SLU7: variants seen among roughly 807,000 people sequenced by gnomAD.
SLU7 encodes spliceosome associated SLU7.
In SLU7, 60 loss-of-function variants were observed where a neutral mutation model predicts 87.0. The ratio of observed to expected loss-of-function variants is 0.69; its 90% CI spans 0.56 to 0.86. The LOEUF (loss-of-function observed/expected upper bound fraction) is 0.86. SLU7 is among the 40% of genes least tolerant of loss of function. The pLI, the probability that SLU7 is intolerant of heterozygous loss-of-function variation, is 0.00. For synonymous variants in SLU7, 197 were observed against 222.0 expected, an observed-to-expected ratio of 0.89 and a Z score of 1.00; for missense variants, 507 against 686.6, an observed-to-expected ratio of 0.74 and a Z score of 2.92.
chr5:160,408,751 T>A, intron 6 of SLU7, 54 bp from the exon 7 acceptor site: 1 of 686,958 alleles, frequency 1.5e-6, no homozygotes, highest in Non-Finnish European at 2.3e-6. Flanking sequence ...TTAATCCAAT[T>A]AACTTTATTA....
intron 14 of SLU7, 86 bp downstream of exon 14, chr5:160,404,723 T>G (rs2113099125): frequency 9.7e-7 from 1 of 1,031,632 alleles, no homozygotes; most frequent in African/African-American, 1.6e-5. Context: ...AGATTCTGTT[T>G]CAAAAGAAAA....
At chr5:160,417,388 T>A (rs564130732) in intron 1 of SLU7, 1 of 152,036 alleles carries the variant, frequency 6.6e-6, no homozygotes, top group African/African-American at 2.4e-5. Flanking sequence ...AAATTTGAAT[T>A]AGAAAAAAAA....
chr5:160,408,851 TAATA>T (rs963039484), intron 6 of SLU7, among the ~76,000 whole-genome samples, 154 bp from the exon 7 acceptor site: 90 of 85,950 alleles, frequency 1.0e-3, no homozygotes, highest in South Asian at 6.9e-3. Context: ...ATATTATATA[TAATA>T]AATATTTATT....
rs1357576989 is a variant in SLU7, at chr5:160,414,353, G to A, written c.290C>T (p.Ser97Leu). 3 of 1,611,488 alleles carry A rather than the reference G, an allele frequency of 1.9e-6. No individual in the cohort carries two copies. Among genetic ancestry groups the A allele is most frequent in the Non-Finnish European group, 2.5e-6 (3 of 1,178,806 alleles). ...ACCCCTCTTGTACCATTCTCCAGAT[G>A]AGCTGAACTGCTTTTGTTTTTCTGG... ...PQPEKQKQFS[S>L]SGEWYKRGVK... Residue 97 changes from serine to leucine, a missense_variant, in exon 3 of 16, where the codon TCA (serine) becomes TTA (leucine). Transcript: ENST00000297151.
intron 1 of SLU7, among the ~76,000 whole-genome samples, chr5:160,415,820 T>C (rs779839219): frequency 2.0e-5 from 3 of 152,202 alleles, no homozygotes; most frequent in Non-Finnish European, 4.4e-5. Flanking sequence ...CCAATGGACA[T>C]TTTTCAGCTC....
chr5:160,410,893 G>A (rs187281221), intron 6 of SLU7, among the ~76,000 whole-genome samples: 28 of 148,260 alleles, frequency 1.9e-4, no homozygotes, highest in African/African-American at 6.5e-4. Context: ...TTGAGACGGA[G>A]TCTCACTCTG....
Position 160,412,437 on chromosome 5 carries a change from T to C in SLU7, c.639+14A>G, listed in dbSNP as rs761393274. The C allele has an allele frequency of 1.4e-6, 2 of 1,440,120 alleles. No individual in the cohort carries two copies. The highest frequency in any genetic ancestry group is 1.9e-6 in the Non-Finnish European group (2 of 1,036,212). 89.2% of individuals were successfully genotyped at this position (1,440,120 alleles called of 1,614,324 possible). A position where few individuals can be genotyped will look rare whatever the true frequency, so the allele number is the denominator to read the frequency against. ...AGAAATAAAACCTTTTTATTGATCA[T>C]TTTCATTACTTACAGCCTGTTCCAC... On this transcript the variant is annotated intron_variant, in intron 6 of 15. Transcript: ENST00000297151.
intron 15 of SLU7, 76 bp downstream of exon 15, chr5:160,404,364 C>A (rs1764909432): frequency 7.4e-6 from 7 of 939,740 alleles, no homozygotes; most frequent in Admixed American, 2.1e-5. Flanking sequence ...GACCCTGTCT[C>A]AAAAAAATAA....
intron 1 of SLU7, chr5:160,418,729 C>T (rs1163868492): frequency 6.6e-6 from 1 of 152,238 alleles, no homozygotes; most frequent in East Asian, 1.9e-4. Flanking sequence ...CTGGAAGCAG[C>T]TTTCCCTGCT....
intron 15 of SLU7, among the ~76,000 whole-genome samples, chr5:160,404,200 T>TA (rs923988463): frequency 6.6e-6 from 1 of 152,066 alleles, no homozygotes; most frequent in African/African-American, 2.4e-5. Context: ...CCTGGCTCTA[T>TA]AAAAAAATAC....
At chr5:160,412,178 TA>T (rs777545688) in intron 6 of SLU7, among the ~76,000 whole-genome samples, 1 of 152,220 alleles carries the variant, frequency 6.6e-6, no homozygotes, top group Non-Finnish European at 1.5e-5. Flanking sequence ...TTCTAAACTC[TA>T]GAAAATTCTT....
At chr5:160,412,300 A>G (rs147448871) in intron 6 of SLU7, 151 bp downstream of exon 6, 66 of 547,566 alleles carry the variant, frequency 1.2e-4, no homozygotes, top group African/African-American at 1.2e-3. Flanking sequence ...TTATATTACT[A>G]TGAACTGTAT....
intron 1 of SLU7, among the ~76,000 whole-genome samples, chr5:160,416,506 C>T (rs762494786): frequency 2.0e-5 from 3 of 152,196 alleles, no homozygotes; most frequent in Admixed American, 6.5e-5. Context: ...AAACTCAATA[C>T]GTCTTAATTC....
chr5:160,416,982 T>C (rs1315203405), intron 1 of SLU7: 1 of 152,228 alleles, frequency 6.6e-6, no homozygotes, highest in African/African-American at 2.4e-5. Flanking sequence ...CGAGATCTCA[T>C]GGTTTGATAA....
intron 11 of SLU7, 137 bp from the exon 12 acceptor site, chr5:160,406,766 A>T: frequency 1.4e-6 from 1 of 712,032 alleles, no homozygotes; most frequent in East Asian, 3.1e-5. Context: ...CAGTAGGAAA[A>T]AAAAAGCCAC....
chr5:160,406,350 T>A (rs941230082), intron 12 of SLU7, 118 bp downstream of exon 12: 26 of 735,186 alleles, frequency 3.5e-5, no homozygotes, highest in Middle Eastern at 2.6e-4. Context: ...CAGTTAAAAT[T>A]TTTTTTTTTT....
At position 160,403,327 on chromosome 5, in the gene SLU7, A is replaced by G; in HGVS notation, c.1719T>C (p.Arg573=). 1 of 1,612,266 alleles carries G rather than the reference A, an allele frequency of 6.2e-7. No individual in the cohort carries two copies. Among genetic ancestry groups the G allele is most frequent in the Non-Finnish European group, 8.5e-7 (1 of 1,179,288 alleles). Residue 573 remains arginine (R), a synonymous_variant, in exon 16 of 16, where the codon CGT becomes CGC. Coordinates refer to ENST00000297151, the MANE Select transcript of SLU7 (RefSeq NM_006425.5). ...EEEMEAYRMK[R]QRPDDPMASF... ...AGGCCATGGGGTCATCTGGCCTCTGACGTTTCATTCTATATGCCTCCATTT... is the reference window on the plus strand; with the variant it reads ...AGGCCATGGGGTCATCTGGCCTCTGGCGTTTCATTCTATATGCCTCCATTT...
Position 160,412,459 on chromosome 5 carries a change from C to T in SLU7, c.631G>A (p.Glu211Lys), listed in dbSNP as rs1451952819. Reference protein sequence around the residue: ...QEELASGKLVEQANSPKHQWG... With the variant: ...QEELASGKLVKQANSPKHQWG... ...TCATTTTCATTACTTACAGCCTGTTCCACTAATTTTCCTGAGGCTAATTCC... is the reference window on the plus strand; with the variant it reads ...TCATTTTCATTACTTACAGCCTGTTTCACTAATTTTCCTGAGGCTAATTCC... Residue 211 changes from glutamate (E) to lysine (K), a missense_variant, in exon 6 of 16, where the codon GAA becomes AAA. Transcript: ENST00000297151. 1 of 1,524,790 alleles carries T rather than the reference C, an allele frequency of 6.6e-7. No homozygotes were observed. The highest frequency in any genetic ancestry group is 1.2e-5 in the South Asian group (1 of 83,464). 94.5% of individuals were successfully genotyped at this position (1,524,790 alleles called of 1,614,324 possible). A position where few individuals can be genotyped will look rare whatever the true frequency, so the allele number is the denominator to read the frequency against.
At position 160,417,791 on chromosome 5, in the gene SLU7, CAAAAAA is replaced by C. The variant is rs33929783; in HGVS notation, c.-17+1226_-17+1231del. ...TGGGCGACAGAGCTAGACTACGTCT[CAAAAAA>C]AAAAAAAAAAAAATGACGCTCCAAA... On this transcript the variant is annotated intron_variant, in intron 1 of 15. Coordinates refer to ENST00000297151, the MANE Select transcript of SLU7 (RefSeq NM_006425.5). Among the ~76,000 whole-genome samples the C allele has an allele frequency of 3.6e-5, 4 of 111,182 alleles. No individual in the cohort carries two copies. In the East Asian group the frequency reaches 7.7e-4, roughly 22 times the overall value. 72.9% of individuals were successfully genotyped at this position (111,182 alleles called of 152,430 possible). A position where few individuals can be genotyped will look rare whatever the true frequency, so the allele number is the denominator to read the frequency against.
Sources: gnomAD v4.1 joint callset for allele counts (sites outside exome capture counted in the v4.1 genomes callset) on GRCh38, gnomAD v4.1.1 for gene constraint, MANE v1.5 for transcripts, NCBI Gene and HGNC (gene_info 2026-07-23, HGNC 2026-07-21) for gene names.